PTPRD: variants seen among roughly 807,000 people sequenced by gnomAD.
The protein encoded by PTPRD is receptor-type tyrosine-protein phosphatase delta.
PTPRD carries 34 observed loss-of-function variants against 214.5 expected under a neutral mutation model. That is an observed-to-expected ratio of 0.16 (90% CI 0.12 to 0.21). The LOEUF (loss-of-function observed/expected upper bound fraction) is 0.21. Among genes scored for constraint, PTPRD ranks in the 10% least tolerant of loss-of-function variants. The pLI, the probability that PTPRD is intolerant of heterozygous loss-of-function variation, is 1.00. For synonymous variants in PTPRD, 1,128 were observed against 845.7 expected, an observed-to-expected ratio of 1.33 and a Z score of -5.79; for missense variants, 2,545 against 2,398.7, an observed-to-expected ratio of 1.06 and a Z score of -1.27.
chr9:9,321,956 C>T (rs1569567345), intron 9 of PTPRD, among the ~76,000 whole-genome samples: 1 of 152,142 alleles, frequency 6.6e-6, no homozygotes, highest in Non-Finnish European at 1.5e-5. Context: ...CATTAATCTG[C>T]CATCTAATGT....
intron 11 of PTPRD, among the ~76,000 whole-genome samples, chr9:8,844,120 A>G (rs2097635439): frequency 2.6e-5 from 4 of 152,230 alleles, no homozygotes; most frequent in Admixed American, 1.3e-4. Context: ...CCAAAAGAAG[A>G]GTTTTATGCT....
intron 3 of PTPRD, among the ~76,000 whole-genome samples, chr9:10,335,947 T>C (rs2096836758): frequency 1.3e-5 from 2 of 151,762 alleles, no homozygotes; most frequent in South Asian, 4.1e-4. Flanking sequence ...CACTAAATGC[T>C]GTCAAGGATG....
intron 7 of PTPRD, among the ~76,000 whole-genome samples, chr9:9,624,539 T>C (rs1436177294): frequency 6.6e-6 from 1 of 152,082 alleles, no homozygotes; most frequent in Non-Finnish European, 1.5e-5. Flanking sequence ...CTGCCTGCCT[T>C]GGCCTCCCAA....
intron 5 of PTPRD, among the ~76,000 whole-genome samples, chr9:9,841,722 T>G (rs2058372801): frequency 6.6e-6 from 1 of 152,154 alleles, no homozygotes; most frequent in Admixed American, 6.6e-5. Context: ...TCCTGAATCT[T>G]ACCTTGTATT....
chr9:8,791,278 T>C (rs575161722), intron 11 of PTPRD, among the ~76,000 whole-genome samples: 1 of 152,160 alleles, frequency 6.6e-6, no homozygotes, highest in African/African-American at 2.4e-5. Context: ...CAGGCTGGAG[T>C]GCAGTGGCGT....
intron 12 of PTPRD, among the ~76,000 whole-genome samples, chr9:8,695,193 A>G (rs2097885501): frequency 6.6e-6 from 1 of 152,206 alleles, no homozygotes; most frequent in Admixed American, 6.5e-5. Flanking sequence ...AAGAACAGAA[A>G]AGGAAACATC....
chr9:9,916,971 G>A (rs140740977), intron 5 of PTPRD, among the ~76,000 whole-genome samples: 1 of 151,542 alleles, frequency 6.6e-6, no homozygotes, highest in African/African-American at 2.4e-5. Context: ...AATGGGTGTA[G>A]GAAAAAGTTA....
intron 5 of PTPRD, among the ~76,000 whole-genome samples, chr9:9,834,427 A>C (rs1336810150): frequency 6.6e-6 from 1 of 152,032 alleles, no homozygotes; most frequent in Admixed American, 6.6e-5. Flanking sequence ...AAATTCACCA[A>C]TCAGGGTGAA....
At chr9:8,408,953 C>T (rs1320619466) in intron 35 of PTPRD, among the ~76,000 whole-genome samples, 1 of 152,132 alleles carries the variant, frequency 6.6e-6, no homozygotes, top group African/African-American at 2.4e-5. Flanking sequence ...TTTATTTAGT[C>T]TTTAACTTGA....
chr9:9,814,395 A>G (rs1302683932), intron 5 of PTPRD, among the ~76,000 whole-genome samples: 1 of 151,912 alleles, frequency 6.6e-6, no homozygotes, highest in Non-Finnish European at 1.5e-5. Flanking sequence ...AAAACCCTCA[A>G]CCCCCCACTA....
At chr9:10,265,974 T>G (rs1275426151) in intron 3 of PTPRD, among the ~76,000 whole-genome samples, 2 of 152,228 alleles carry the variant, frequency 1.3e-5, no homozygotes, top group Non-Finnish European at 2.9e-5. Flanking sequence ...AAATTTATTT[T>G]CAATGCAAGT....
Position 10,321,017 on chromosome 9 carries a change from G to C in PTPRD, c.-545+19946C>G, listed in dbSNP as rs370542289. Among the ~76,000 whole-genome samples, 117 of 152,068 alleles carry C rather than the reference G, an allele frequency of 7.7e-4. 2 individuals carry two copies. The South Asian group carries it at 0.021, about 28-fold the overall frequency. On this transcript the variant is annotated intron_variant, in intron 3 of 45. Transcript: ENST00000381196. ...TGAGATTACAGATGTGAGCCACTAC[G>C]CCTAGCCCATTGATTCTTTCATGAA...
chr9:8,397,459 GT>G (rs1007438161), intron 36 of PTPRD, among the ~76,000 whole-genome samples: 137 of 152,124 alleles, frequency 9.0e-4, no homozygotes, highest in African/African-American at 3.2e-3. Context: ...ATTTTCCTAG[GT>G]TTTTTTGGTT....
intron 11 of PTPRD, among the ~76,000 whole-genome samples, chr9:8,964,416 T>C (rs886126270): frequency 7.7e-4 from 117 of 151,916 alleles, no homozygotes; most frequent in African/African-American, 2.5e-3. Context: ...ACTGTTGTTG[T>C]TTCTGATTGT....
chr9:8,768,022 A>C (rs530192328), intron 11 of PTPRD, among the ~76,000 whole-genome samples: 1 of 152,338 alleles, frequency 6.6e-6, no homozygotes, highest in South Asian at 2.1e-4. Context: ...GAAAGAAAAT[A>C]TTTCACCAAT....
rs982203752 is a variant in PTPRD at position 10,200,241 on chromosome 9, A to G, written c.-545+140722T>C. Among the ~76,000 whole-genome samples the G allele has an allele frequency of 4.6e-5, 7 of 152,212 alleles. No individual in the cohort carries two copies. In the East Asian group the frequency reaches 1.3e-3, roughly 29 times the overall value. ...TGTCTTTCTAAGTATCTATCCATCT[A>G]TTTTTTAAATCTGTTTCCCATAGAC... is the stretch of plus-strand genomic sequence containing the variant. On this transcript the variant is annotated intron_variant, in intron 3 of 45. Coordinates refer to ENST00000381196, the MANE Select transcript of PTPRD (RefSeq NM_002839.4).
At chr9:8,633,517 A>C (rs2096322406) in intron 13 of PTPRD, 59 bp from the exon 14 acceptor site, 2 of 1,588,874 alleles carry the variant, frequency 1.3e-6, no homozygotes, top group African/African-American at 2.7e-5. Context: ...CTCTCAGCTA[A>C]AGCTCTCAAT....
chr9:9,617,382 GATATA>G (rs1474052119), intron 7 of PTPRD, among the ~76,000 whole-genome samples: 1 of 152,136 alleles, frequency 6.6e-6, no homozygotes, highest in Non-Finnish European at 1.5e-5. Flanking sequence ...TACTGGGTAG[GATATA>G]ATATAATATA....
At chr9:9,281,750 T>A (rs1005096605) in intron 9 of PTPRD, among the ~76,000 whole-genome samples, 8 of 151,280 alleles carry the variant, frequency 5.3e-5, no homozygotes, top group South Asian at 2.1e-4. Context: ...CTCCTTTGTA[T>A]TTACTCAAGT....
Sources: allele counts gnomAD v4.1 joint callset (sites outside exome capture counted in the v4.1 genomes callset), GRCh38; gene constraint gnomAD v4.1.1; transcripts MANE v1.5; gene names NCBI Gene and HGNC (gene_info 2026-07-23, HGNC 2026-07-21).